Variants in SH3PXD2B observed in about 807,000 individuals in gnomAD.
SH3PXD2B encodes SH3 and PX domains 2B, also known as SH3 and PX domain-containing protein 2B.
In SH3PXD2B, 37 loss-of-function variants were observed where a neutral mutation model predicts 73.1. That is an observed-to-expected ratio of 0.51 (90% CI 0.39 to 0.67). The LOEUF is 0.67. SH3PXD2B is among the 30% of genes least tolerant of loss of function. SH3PXD2B has a pLI of 0.00. For missense variants in SH3PXD2B, 1,053 were observed against 1,197.8 expected (o/e 0.88, Z 1.78); for synonymous variants, 457 against 480.5 (o/e 0.95, Z 0.64).
In SH3PXD2B at chr5:172,334,290, G is replaced by A. The variant is rs886060408; in HGVS notation, c.*4079C>T. The A allele has an allele frequency of 7.0e-6, 7 of 1,000,326 alleles. No homozygotes were observed. The highest frequency in any genetic ancestry group is 1.1e-4 in the East Asian group (1 of 8,912). The allele number at this position is 1,000,326 out of a possible 1,614,324, so 62.0% of individuals were successfully genotyped here. A position where few individuals can be genotyped will look rare whatever the true frequency, so the allele number is the denominator to read the frequency against. On this transcript the variant is annotated 3_prime_UTR_variant, in exon 13 of 13. Coordinates refer to ENST00000311601, the MANE Select transcript of SH3PXD2B (RefSeq NM_001017995.3). The stretch of plus-strand genomic sequence containing the variant: ...AGCAGGCAAGGACTGTGGAGCCTCC[G>A]GTTCCAGCTCTGCAGCTCTGCCTGG...
At chr5:172,391,265 C>T (rs1758185337) in intron 4 of SH3PXD2B, among the ~76,000 whole-genome samples, 1 of 152,180 alleles carries the variant, frequency 6.6e-6, no homozygotes, top group Non-Finnish European at 1.5e-5. Flanking sequence ...TTTTATTTTG[C>T]ATTCCCATAA....
At chr5:172,441,593 G>C (rs949613595) in intron 1 of SH3PXD2B, among the ~76,000 whole-genome samples, 3 of 152,158 alleles carry the variant, frequency 2.0e-5, no homozygotes, top group African/African-American at 4.8e-5. Context: ...GTCATGATAG[G>C]ATTGGTCCAC....
intron 2 of SH3PXD2B, among the ~76,000 whole-genome samples, chr5:172,417,477 C>G (rs946310058): frequency 6.6e-5 from 10 of 152,238 alleles, no homozygotes; most frequent in Non-Finnish European, 1.2e-4. Context: ...TTTCCTTAGA[C>G]TTCTCAGTTA....
At chr5:172,350,173 AG>A (rs1757126926) in intron 10 of SH3PXD2B, among the ~76,000 whole-genome samples, 189 bp downstream of exon 10, 1 of 152,112 alleles carries the variant, frequency 6.6e-6, no homozygotes, top group Non-Finnish European at 1.5e-5. Flanking sequence ...CTCTTGACTC[AG>A]ATTCTGCAAT....
Position 172,441,710 on chromosome 5 carries a change from C to T in SH3PXD2B, c.75+12568G>A, listed in dbSNP as rs1375144658. Among the ~76,000 whole-genome samples, 6 of 152,176 alleles carry T rather than the reference C, an allele frequency of 3.9e-5. No homozygotes were observed. In the South Asian group the frequency reaches 6.2e-4, roughly 16 times the overall value. ...GATACCTTCTTGACAATGCCCCAAC[C>T]GAATCCAGCCTCATCCTCCCTTCCC... On this transcript the variant is annotated intron_variant, in intron 1 of 12. Coordinates refer to ENST00000311601, the MANE Select transcript of SH3PXD2B (RefSeq NM_001017995.3).
At chr5:172,340,110 T>G (rs1201686539) in intron 12 of SH3PXD2B, among the ~76,000 whole-genome samples, 194 bp from the exon 13 acceptor site, 1 of 151,340 alleles carries the variant, frequency 6.6e-6, no homozygotes, top group African/African-American at 2.4e-5. Context: ...GGGGGGAGAG[T>G]CTTGTCGTAT....
At chr5:172,333,169 AGG>A (rs1237033587), downstream of SH3PXD2B, among the ~76,000 whole-genome samples, 2 of 152,044 alleles carry the variant, frequency 1.3e-5, no homozygotes, top group African/African-American at 2.4e-5. Flanking sequence ...TCCTGACCTC[AGG>A]TGATCGGCCC....
chr5:172,450,566 C>T (rs1027387095), intron 1 of SH3PXD2B, among the ~76,000 whole-genome samples: 8 of 152,030 alleles, frequency 5.3e-5, no homozygotes, highest in Admixed American at 1.3e-4. Context: ...ACACTTTGAC[C>T]ACTGTTATTC....
chr5:172,418,319 C>A (rs1758873423), intron 2 of SH3PXD2B, among the ~76,000 whole-genome samples: 1 of 152,244 alleles, frequency 6.6e-6, no homozygotes, highest in South Asian at 2.1e-4. Context: ...ATTGTTTTCA[C>A]CCCATGTCAC....
intron 7 of SH3PXD2B, 59 bp from the exon 8 acceptor site, chr5:172,358,936 G>T: frequency 1.3e-6 from 2 of 1,488,058 alleles, no homozygotes; most frequent in Non-Finnish European, 1.9e-6. Context: ...CCGGGGGTCA[G>T]AACATAATAA....
chr5:172,357,423 CAA>C (rs1046224679), intron 8 of SH3PXD2B, among the ~76,000 whole-genome samples: 2 of 127,876 alleles, frequency 1.6e-5, no homozygotes. Context: ...GACTCTGTCT[CAA>C]AAAAAAAAAA....
At chr5:172,331,671 G>T (rs903017595), downstream of SH3PXD2B, among the ~76,000 whole-genome samples, 1 of 152,200 alleles carries the variant, frequency 6.6e-6, no homozygotes, top group Non-Finnish European at 1.5e-5. Flanking sequence ...GTATGACGGG[G>T]CTGGGCACGG....
At chr5:172,342,408 C>A (rs368629062) in intron 12 of SH3PXD2B, among the ~76,000 whole-genome samples, 3 of 152,130 alleles carry the variant, frequency 2.0e-5, no homozygotes, top group Non-Finnish European at 4.4e-5. Flanking sequence ...GGCCGTCGAT[C>A]GGAGGAGAGT....
chr5:172,330,136 TGAGTGCTTCATTGAG>T (rs1481394043), downstream of SH3PXD2B, among the ~76,000 whole-genome samples: 1 of 152,220 alleles, frequency 6.6e-6, no homozygotes, highest in Non-Finnish European at 1.5e-5. Flanking sequence ...ATCTGTAATC[TGAGTGCTTCATTGAG>T]GATTTCCTTT....
At chr5:172,424,987 G>A (rs1275723137) in intron 1 of SH3PXD2B, among the ~76,000 whole-genome samples, 1 of 152,102 alleles carries the variant, frequency 6.6e-6, no homozygotes, top group Non-Finnish European at 1.5e-5. Context: ...CTTCTTCCTT[G>A]TTTGCGCTCC....
intron 4 of SH3PXD2B, among the ~76,000 whole-genome samples, chr5:172,383,352 A>G (rs1757989536): frequency 6.6e-6 from 1 of 152,148 alleles, no homozygotes; most frequent in Admixed American, 6.5e-5. Flanking sequence ...AACCTCCACA[A>G]AGCTGGTTTA....
rs1367780954 is a variant in SH3PXD2B at position 172,422,410 on chromosome 5, C to A, written c.156+6G>T. 1 of 1,605,750 alleles carries A rather than the reference C, an allele frequency of 6.2e-7. No individual in the cohort carries two copies. Among genetic ancestry groups the A allele is most frequent in the Admixed American group, 1.7e-5 (1 of 58,700 alleles). ...CTGCAGCTCACCAGAGACCTCAAAT[C>A]CTTACCTGGAGGTCAAAAAACTTGC... On this transcript the variant is annotated splice_donor_region_variant and intron_variant, in intron 2 of 12. Transcript: ENST00000311601.
At chr5:172,383,906 G>C (rs893581861) in intron 4 of SH3PXD2B, among the ~76,000 whole-genome samples, 25 of 150,814 alleles carry the variant, frequency 1.7e-4, no homozygotes, top group Non-Finnish European at 2.8e-4. Flanking sequence ...GAGTGCTGTG[G>C]TGCTATCTTA....
intron 7 of SH3PXD2B, among the ~76,000 whole-genome samples, chr5:172,362,104 C>T (rs1290234141): frequency 4.6e-5 from 7 of 152,316 alleles, no homozygotes; most frequent in Non-Finnish European, 1.0e-4. Context: ...GTGCTAAGCA[C>T]AAGTTTAAGC....
Sources: gnomAD v4.1 joint callset for allele counts (sites outside exome capture counted in the v4.1 genomes callset) on GRCh38, gnomAD v4.1.1 for gene constraint, MANE v1.5 for transcripts, NCBI Gene and HGNC (gene_info 2026-07-23, HGNC 2026-07-21) for gene names.